Variants in RBM39 observed in about 807,000 individuals in gnomAD.
RBM39 encodes the protein RNA-binding protein 39.
In RBM39, 12 loss-of-function variants were observed where a neutral mutation model predicts 79.6. The ratio of observed to expected loss-of-function variants is 0.15; its 90% CI spans 0.10 to 0.24. RBM39 has a LOEUF of 0.24. Ranked by LOEUF, RBM39 falls within the 10% of genes least tolerant of loss-of-function variation. The pLI is 1.00. For missense variants in RBM39, 243 were observed against 653.4 expected, an observed-to-expected ratio of 0.37 and a Z score of 6.85; for synonymous variants, 185 against 208.4, an observed-to-expected ratio of 0.89 and a Z score of 0.97.
At chr20:35,728,939 G>A (rs2039063218) in intron 6 of RBM39, among the ~76,000 whole-genome samples, 1 of 151,268 alleles carries the variant, frequency 6.6e-6, no homozygotes, top group Non-Finnish European at 1.5e-5. Flanking sequence ...AGCGAGGCAT[G>A]GTGGTGCATG....
intron 12 of RBM39, among the ~76,000 whole-genome samples, chr20:35,711,029 AAT>A (rs2036332733): frequency 6.6e-6 from 1 of 152,216 alleles, no homozygotes; most frequent in East Asian, 1.9e-4. Context: ...TAATAAAAGA[AAT>A]AAAGGCTAAC....
intron 7 of RBM39, 80 bp from the exon 8 acceptor site, chr20:35,724,802 T>G: frequency 6.8e-7 from 1 of 1,468,204 alleles, no homozygotes; most frequent in Non-Finnish European, 9.3e-7. Flanking sequence ...TGTTGAAGGA[T>G]GAAGGTATTT....
At chr20:35,718,873 C>CT (rs1260547650) in intron 9 of RBM39, among the ~76,000 whole-genome samples, 1 of 147,438 alleles carries the variant, frequency 6.8e-6, no homozygotes, top group Non-Finnish European at 1.5e-5. Context: ...ATCCCAGCTG[C>CT]TAGGGAAGCT....
At position 35,721,930 on chromosome 20, in the gene RBM39, A is replaced by G; in HGVS notation, c.688-53T>C. On this transcript the variant is annotated intron_variant, in intron 8 of 16. Transcript: ENST00000253363. ...AGATAACACACAGCAGTTTAAAGACATACACCTTCCATTTGCATAACAACT... is the reference window on the plus strand; with the variant it reads ...AGATAACACACAGCAGTTTAAAGACGTACACCTTCCATTTGCATAACAACT... The G allele has an allele frequency of 2.6e-6, 4 of 1,559,238 alleles. No homozygotes were observed. The South Asian group carries it at 3.4e-5, about 13-fold the overall frequency.
intron 6 of RBM39, among the ~76,000 whole-genome samples, chr20:35,727,493 T>A (rs776243780): frequency 1.1e-4 from 16 of 151,952 alleles, no homozygotes; most frequent in Admixed American, 2.0e-4. Context: ...TCCCTTTTTT[T>A]TTGTAGACAG....
At chr20:35,720,211 A>G (rs2146589145) in intron 9 of RBM39, among the ~76,000 whole-genome samples, 1 of 152,320 alleles carries the variant, frequency 6.6e-6, no homozygotes. Context: ...AGTCTTGGCA[A>G]CTTTCTCTCC....
intron 2 of RBM39, chr20:35,740,208 T>C (rs1169884213): frequency 5.9e-6 from 1 of 170,330 alleles, no homozygotes; most frequent in Non-Finnish European, 1.3e-5. Context: ...ATTTTTTTTT[T>C]TTAATTTCTA....
rs772207730 is a variant in RBM39, at chr20:35,702,523, AT to A, written c.*1957del. 1 of 152,212 alleles carries A rather than the reference AT, an allele frequency of 6.6e-6. No individual in the cohort carries two copies. Among genetic ancestry groups the A allele is most frequent in the Non-Finnish European group, 1.5e-5 (1 of 68,040 alleles). The allele number at this position is 152,212 out of a possible 1,614,324, so 9.4% of individuals were successfully genotyped here. On this transcript the variant is annotated 3_prime_UTR_variant, in exon 17 of 17. Transcript: ENST00000253363. ...TCCCTAGAAAGCAATGACACAACAA[AT>A]TTGTTAGGAAGACTTGGTTCAAGGG...
chr20:35,731,697 A>G, intron 4 of RBM39: 1 of 526,116 alleles, frequency 1.9e-6, no homozygotes, highest in Non-Finnish European at 3.4e-6. Flanking sequence ...CTGGCATACA[A>G]TTTAGAAACT....
chr20:35,719,717 T>C (rs747186965), intron 9 of RBM39, among the ~76,000 whole-genome samples: 3 of 152,120 alleles, frequency 2.0e-5, no homozygotes, highest in Non-Finnish European at 4.4e-5. Context: ...GACTCTAGAG[T>C]AATAAAAATA....
Position 35,732,293 on chromosome 20 carries a change from A to C in RBM39, c.102-158T>G, listed in dbSNP as rs970782126. 8.7e-6 allele frequency: 6 copies of C among 688,052 alleles called. No homozygotes were observed. The African/African-American group carries it at 9.0e-5, about 10-fold the overall frequency. The allele number at this position is 688,052 out of a possible 1,614,324, so 42.6% of individuals were successfully genotyped here. On this transcript the variant is annotated intron_variant, in intron 3 of 16. Coordinates refer to ENST00000253363, the MANE Select transcript of RBM39 (RefSeq NM_184234.3). ...CATAATCATACTTAAAAAAAAAAAA[A>C]AATCCTGTAATCTCAGCACTTTGGT...
intron 14 of RBM39, 83 bp downstream of exon 14, chr20:35,707,037 A>AG (rs1156569851): frequency 3.2e-6 from 2 of 618,588 alleles, no homozygotes; most frequent in Admixed American, 4.4e-5. Flanking sequence ...TAAAAAAAAA[A>AG]AAAAAAAAAA....
chr20:35,709,861 T>C (rs76972265), intron 12 of RBM39, among the ~76,000 whole-genome samples: 6,472 of 152,240 alleles, frequency 0.043, 239 homozygotes, highest in Non-Finnish European at 0.059. Flanking sequence ...ATGGGGCAAC[T>C]TGATTATTGA....
chr20:35,735,373 C>G (rs1405620183), intron 3 of RBM39, among the ~76,000 whole-genome samples: 2 of 152,166 alleles, frequency 1.3e-5, no homozygotes, highest in Non-Finnish European at 2.9e-5. Flanking sequence ...GTCTGTGTCA[C>G]AATAACTTTG....
intron 12 of RBM39, among the ~76,000 whole-genome samples, chr20:35,712,191 G>A (rs967653955): frequency 2.6e-5 from 4 of 152,116 alleles, no homozygotes; most frequent in Non-Finnish European, 5.9e-5. Flanking sequence ...AATGAGGGCC[G>A]AACGCAGTGG....
chr20:35,716,948 CTTTTT>C (rs1167579205), intron 9 of RBM39, 143 bp from the exon 10 acceptor site: 2 of 581,714 alleles, frequency 3.4e-6, no homozygotes, highest in Non-Finnish European at 6.1e-6. Context: ...ACCAAGAAGT[CTTTTT>C]TAAGTCTAGA....
chr20:35,718,007 C>T (rs1298348869), intron 9 of RBM39, among the ~76,000 whole-genome samples: 1 of 152,030 alleles, frequency 6.6e-6, no homozygotes, highest in Non-Finnish European at 1.5e-5. Context: ...TACAGGCACC[C>T]ACCACCACGC....
intron 6 of RBM39, among the ~76,000 whole-genome samples, chr20:35,725,895 C>T (rs2038624943): frequency 6.6e-6 from 1 of 152,056 alleles, no homozygotes; most frequent in African/African-American, 2.4e-5. Flanking sequence ...AACTTTTGAT[C>T]TCAGGTGATG....
intron 2 of RBM39, chr20:35,740,510 T>A: frequency 7.7e-7 from 1 of 1,304,330 alleles, no homozygotes; most frequent in Non-Finnish European, 1.0e-6. Context: ...CAGCGATAAG[T>A]CACTCAATTA....
Sources: allele counts gnomAD v4.1 joint callset (sites outside exome capture counted in the v4.1 genomes callset), GRCh38; gene constraint gnomAD v4.1.1; transcripts MANE v1.5; gene names NCBI Gene and HGNC (gene_info 2026-07-23, HGNC 2026-07-21).